PELI2: variants seen among roughly 807,000 people sequenced by gnomAD.
PELI2 encodes the protein pellino E3 ubiquitin protein ligase family member 2.
A neutral mutation model predicts 42.3 loss-of-function variants in PELI2; 23 were observed. The observed-to-expected ratio is 0.54, with a 90% CI of 0.39 to 0.77. PELI2 has a LOEUF of 0.77. Ranked by LOEUF, PELI2 falls within the 30% of genes least tolerant of loss-of-function variation. The probability of loss-of-function intolerance (pLI) is 0.00; values close to 1 mark genes in which losing one functional copy is unlikely to be tolerated. For missense variants in PELI2, 463 were observed against 553.2 expected (o/e 0.84, Z 1.64); for synonymous variants, 245 against 212.2 (o/e 1.15, Z -1.34).
chr14:56,182,405 A>G (rs1027269231), intron 2 of PELI2, among the ~76,000 whole-genome samples: 2 of 152,164 alleles, frequency 1.3e-5, no homozygotes, highest in African/African-American at 4.8e-5. Context: ...TAACCAGTAA[A>G]TAGTATGATG....
At chr14:56,149,444 T>C (rs1215287816) in intron 1 of PELI2, among the ~76,000 whole-genome samples, 1 of 152,218 alleles carries the variant, frequency 6.6e-6, no homozygotes, top group Non-Finnish European at 1.5e-5. Context: ...TGTGGAATTA[T>C]GCCTTACAAA....
rs998905196 is a variant in PELI2 at position 56,180,193 on chromosome 14, T to G, written c.207+1729T>G. On this transcript the variant is annotated intron_variant, in intron 2 of 5. Coordinates refer to ENST00000267460, the MANE Select transcript of PELI2 (RefSeq NM_021255.3). The surrounding 1 kb of genome is among the most constrained non-coding windows in gnomAD (Gnocchi z 4.4). ...AGATTGGGTTTAGGTCTTGACCCTC[T>G]GTATTTTATAATCTGGGAAAAATAT... Among the ~76,000 whole-genome samples, 1 of 152,222 alleles carries G rather than the reference T, an allele frequency of 6.6e-6. No individual in the cohort carries two copies. Among genetic ancestry groups the G allele is most frequent in the African/African-American group, 2.4e-5 (1 of 41,452 alleles).
chr14:56,137,086 C>G (rs1402221150), intron 1 of PELI2, among the ~76,000 whole-genome samples: 1 of 152,112 alleles, frequency 6.6e-6, no homozygotes, highest in Admixed American at 6.5e-5. Flanking sequence ...CCAGTAGAAA[C>G]CTGTACTGCA....
At position 56,297,788 on chromosome 14, in the gene PELI2, C is replaced by T. The variant is rs1890060690; in HGVS notation, c.*622C>T. The stretch of plus-strand genomic sequence containing the variant: ...TGTGGGCTTTTTTTTTTTTTAACTT[C>T]AGTGGAATTTACTTTAGATATTCAT... On this transcript the variant is annotated 3_prime_UTR_variant, in exon 6 of 6. Coordinates refer to ENST00000267460, the MANE Select transcript of PELI2 (RefSeq NM_021255.3). The T allele has an allele frequency of 6.7e-6, 1 of 149,286 alleles. No homozygotes were observed. Among genetic ancestry groups the T allele is most frequent in the South Asian group, 2.1e-4 (1 of 4,748 alleles). 9.2% of individuals were successfully genotyped at this position (149,286 alleles called of 1,614,324 possible). A position where few individuals can be genotyped will look rare whatever the true frequency, so the allele number is the denominator to read the frequency against.
chr14:56,182,285 A>T (rs1015104220), intron 2 of PELI2, among the ~76,000 whole-genome samples: 3 of 152,140 alleles, frequency 2.0e-5, no homozygotes, highest in South Asian at 2.1e-4. Flanking sequence ...ATAAGGGGAA[A>T]TATTGAAGGG....
At position 56,297,052 on chromosome 14, in the gene PELI2, G is replaced by C; in HGVS notation, c.1149G>C (p.Gln383His). 6.2e-7 allele frequency: 1 copy of C among 1,613,608 alleles called. No homozygotes were observed. Among genetic ancestry groups the C allele is most frequent in the East Asian group, 2.2e-5 (1 of 44,886 alleles). ...AGAAGTCTGCAAAATACTGGTCTCA[G>C]ATCCCGTTGCCTCATGGAACTCATG... Reference protein sequence around the residue: ...CSEKSAKYWSQIPLPHGTHAF... With the variant: ...CSEKSAKYWSHIPLPHGTHAF... Residue 383 changes from glutamine to histidine, a missense_variant, in exon 6 of 6, where the codon CAG (glutamine) becomes CAC (histidine). This residue lies in a region of PELI2 where 103 missense variants were observed against 129.6 expected (regional missense o/e 0.80). Coordinates refer to ENST00000267460, the MANE Select transcript of PELI2 (RefSeq NM_021255.3).
intron 1 of PELI2, among the ~76,000 whole-genome samples, chr14:56,134,986 C>T (rs1160956920): frequency 6.6e-6 from 1 of 152,100 alleles, no homozygotes; most frequent in Non-Finnish European, 1.5e-5. Flanking sequence ...TTCTAAAATT[C>T]AACTTACTGA....
At chr14:56,163,092 G>GT (rs1367217578) in intron 1 of PELI2, among the ~76,000 whole-genome samples, 12 of 152,044 alleles carry the variant, frequency 7.9e-5, no homozygotes, top group African/African-American at 2.4e-4. Flanking sequence ...TTAACTTGAT[G>GT]TGACAAATGG....
intron 2 of PELI2, among the ~76,000 whole-genome samples, chr14:56,263,473 G>T (rs1339675178): frequency 3.3e-5 from 5 of 152,108 alleles, no homozygotes; most frequent in Admixed American, 6.6e-5. Flanking sequence ...TAAAACAAAT[G>T]AGAAAATGAT....
At chr14:56,249,775 T>C (rs1888280671) in intron 2 of PELI2, among the ~76,000 whole-genome samples, 1 of 152,212 alleles carries the variant, frequency 6.6e-6, no homozygotes, top group Non-Finnish European at 1.5e-5. Flanking sequence ...TGAGAGTGAC[T>C]GACACCAGGA....
chr14:56,281,665 CA>C (rs1251167149), intron 3 of PELI2, among the ~76,000 whole-genome samples: 1 of 152,056 alleles, frequency 6.6e-6, no homozygotes, highest in East Asian at 1.9e-4. Context: ...CAATTTGTAT[CA>C]CAAAAGGTTA....
chr14:56,238,637 A>G (rs930648388), intron 2 of PELI2, among the ~76,000 whole-genome samples: 1 of 152,140 alleles, frequency 6.6e-6, no homozygotes, highest in Non-Finnish European at 1.5e-5. Context: ...ACTTACTGTG[A>G]TTTTATTTGT....
chr14:56,148,036 C>A (rs1884196831), intron 1 of PELI2, among the ~76,000 whole-genome samples: 1 of 152,188 alleles, frequency 6.6e-6, no homozygotes. Flanking sequence ...AAGTTCAGCA[C>A]CAGATCGTTA....
At chr14:56,139,337 G>C (rs894802323) in intron 1 of PELI2, among the ~76,000 whole-genome samples, 1 of 152,034 alleles carries the variant, frequency 6.6e-6, no homozygotes. Context: ...GTAGTTCTGT[G>C]ATTTAATTGT....
intron 2 of PELI2, among the ~76,000 whole-genome samples, chr14:56,237,341 C>G (rs1360894930): frequency 6.6e-6 from 1 of 152,134 alleles, no homozygotes; most frequent in Non-Finnish European, 1.5e-5. Context: ...TAGGAAGATT[C>G]ACAGAATCCA....
At chr14:56,234,969 G>A (rs528323739) in intron 2 of PELI2, among the ~76,000 whole-genome samples, 34 of 152,148 alleles carry the variant, frequency 2.2e-4, no homozygotes, top group Non-Finnish European at 4.4e-4. Flanking sequence ...TCCCAACAGA[G>A]CTTTGCATGG....
At chr14:56,154,688 C>A (rs1246588580) in intron 1 of PELI2, among the ~76,000 whole-genome samples, 1 of 152,090 alleles carries the variant, frequency 6.6e-6, no homozygotes, top group African/African-American at 2.4e-5. Flanking sequence ...ACATTTTTTC[C>A]CCTTATAAAC....
In PELI2 at chr14:56,301,141, A is replaced by T. The variant is rs930379346; in HGVS notation, c.*3975A>T. The T allele has an allele frequency of 6.6e-6, 1 of 152,638 alleles. No individual in the cohort carries two copies. Among genetic ancestry groups the T allele is most frequent in the Admixed American group, 6.5e-5 (1 of 15,284 alleles). The allele number at this position is 152,638 out of a possible 1,614,324, so 9.5% of individuals were successfully genotyped here. On this transcript the variant is annotated 3_prime_UTR_variant, in exon 6 of 6. Transcript: ENST00000267460. ...AAGGGGATGGTCACATTTACCATGT[A>T]TTGTGTTATTAGCAGTTAAATTTTA...
intron 2 of PELI2, among the ~76,000 whole-genome samples, chr14:56,187,222 A>G (rs939942986): frequency 1.3e-5 from 2 of 152,194 alleles, no homozygotes; most frequent in African/African-American, 2.4e-5. Flanking sequence ...CCACGTTTCT[A>G]TACTGTGAAT....
Sources: allele counts gnomAD v4.1 joint callset (sites outside exome capture counted in the v4.1 genomes callset), GRCh38; gene constraint gnomAD v4.1.1; regional missense constraint gnomAD v4.1.1; non-coding constraint Gnocchi (gnomAD v3.1); transcripts MANE v1.5; gene names NCBI Gene and HGNC (gene_info 2026-07-23, HGNC 2026-07-21).